ITPR2: variants seen among roughly 807,000 people sequenced by gnomAD.
ITPR2 encodes the protein inositol 1,4,5-trisphosphate-gated calcium channel ITPR2.
ITPR2 carries 207 observed loss-of-function variants against 317.1 expected under a neutral mutation model. That is an observed-to-expected ratio of 0.65 (90% CI 0.58 to 0.73). The LOEUF (loss-of-function observed/expected upper bound fraction) is 0.73. ITPR2 is among the 30% of genes least tolerant of loss of function. The pLI is 0.00. For missense variants in ITPR2, 2,613 were observed against 3,284.0 expected, an observed-to-expected ratio of 0.80 and a Z score of 4.99; for synonymous variants, 1,156 against 1,149.1, an observed-to-expected ratio of 1.01 and a Z score of -0.12.
At chr12:26,551,823 C>T (rs934773664) in intron 36 of ITPR2, among the ~76,000 whole-genome samples, 5 of 152,148 alleles carry the variant, frequency 3.3e-5, no homozygotes, top group Admixed American at 6.5e-5. Flanking sequence ...GACAACTGCC[C>T]GCTGACACTT....
intron 37 of ITPR2, among the ~76,000 whole-genome samples, chr12:26,522,962 A>T (rs1163336847): frequency 3.3e-5 from 5 of 152,236 alleles, no homozygotes; most frequent in Non-Finnish European, 7.3e-5. Flanking sequence ...ATTCTGCATA[A>T]CATTTCGATG....
intron 49 of ITPR2, among the ~76,000 whole-genome samples, chr12:26,425,543 C>T (rs1941031749): frequency 6.6e-6 from 1 of 151,886 alleles, no homozygotes; most frequent in South Asian, 2.1e-4. Context: ...TGGCACGCGC[C>T]CATAGCCCCA....
At chr12:26,589,016 A>G (rs982552627) in intron 32 of ITPR2, among the ~76,000 whole-genome samples, 5 of 152,204 alleles carry the variant, frequency 3.3e-5, no homozygotes, top group African/African-American at 1.2e-4. Context: ...CCTGACTATC[A>G]ACAACAATCA....
Position 26,540,384 on chromosome 12 carries a change from CATG to C in ITPR2, c.5073+9860_5073+9862del, listed in dbSNP as rs1208754690. Among the ~76,000 whole-genome samples the C allele has an allele frequency of 3.9e-5, 6 of 152,280 alleles. 1 individual carries two copies. The highest frequency in any genetic ancestry group is 2.1e-4 in the South Asian group (1 of 4,824). On this transcript the variant is annotated intron_variant, in intron 37 of 56. Transcript: ENST00000381340. ...TTTAGATTTAGGTGGAAATGATGAA[CATG>C]ATAACTTAATAATACATTGATTTTA...
rs369024488 is a variant in ITPR2, at chr12:26,622,361, G to A, written c.3167C>T (p.Thr1056Met). 27 of 1,610,834 alleles carry A rather than the reference G, an allele frequency of 1.7e-5. No individual in the cohort carries two copies. Among genetic ancestry groups the A allele is most frequent in the Admixed American group, 6.7e-5 (4 of 59,328 alleles). ...PVQLDDEGGRTFLRVLIHLIM... is the reference protein window; with the variant it reads ...PVQLDDEGGRMFLRVLIHLIM... Reference sequence around the variant, plus strand: ...CAGATGAATGAGGACCCGTAAAAACGTCCTGCCTCCTTCATCGTCAAGTTG... The same window carrying A: ...CAGATGAATGAGGACCCGTAAAAACATCCTGCCTCCTTCATCGTCAAGTTG... Residue 1056 changes from threonine (T) to methionine (M), a missense_variant, in exon 25 of 57, where the codon ACG (threonine) becomes ATG (methionine). By Grantham distance (81) the Thr-to-Met change is moderately conservative. This residue lies in a region of ITPR2 where 817 missense variants were observed against 897.6 expected (regional missense o/e 0.91). Coordinates refer to ENST00000381340, the MANE Select transcript of ITPR2 (RefSeq NM_002223.4).
intron 49 of ITPR2, among the ~76,000 whole-genome samples, chr12:26,420,876 T>G (rs775055935): frequency 2.6e-5 from 4 of 152,136 alleles, no homozygotes; most frequent in Admixed American, 2.0e-4. Context: ...TCATATTCAG[T>G]AATTATTTAA....
chr12:26,356,829 G>A (rs1591958898), intron 55 of ITPR2, among the ~76,000 whole-genome samples: 1 of 152,292 alleles, frequency 6.6e-6, no homozygotes, highest in South Asian at 2.1e-4. Context: ...TTACAGGTGT[G>A]AGCCACTGTG....
At chr12:26,711,403 T>A (rs1298079104) in intron 8 of ITPR2, 135 bp from the exon 9 acceptor site, 7 of 636,624 alleles carry the variant, frequency 1.1e-5, no homozygotes, top group Non-Finnish European at 1.9e-5. Context: ...GAGAGCATAA[T>A]GTGGCAGAAA....
At chr12:26,538,017 G>A (rs529511646) in intron 37 of ITPR2, among the ~76,000 whole-genome samples, 5 of 152,268 alleles carry the variant, frequency 3.3e-5, no homozygotes, top group East Asian at 3.9e-4. Context: ...GTTATTTAAC[G>A]TAAAAAAACA....
intron 2 of ITPR2, among the ~76,000 whole-genome samples, chr12:26,745,560 A>C (rs1275903027): frequency 6.6e-6 from 1 of 152,234 alleles, no homozygotes; most frequent in Admixed American, 6.5e-5. Flanking sequence ...CCTTAGAATC[A>C]CAGCCTCAAG....
rs200360934 is a variant in ITPR2 at position 26,599,308 on chromosome 12, T to C, written c.3839A>G (p.Asn1280Ser). 6.4e-5 allele frequency: 104 copies of C among 1,614,104 alleles called. No individual in the cohort carries two copies. In the African/African-American group the frequency reaches 1.3e-3, roughly 21 times the overall value. The change falls in exon 30 of 57, where the codon AAC becomes AGC. Residue 1280 changes from asparagine to serine, a missense_variant. By Grantham distance (46) the Asn-to-Ser change is conservative. This residue lies in a region of ITPR2 where 817 missense variants were observed against 897.6 expected (regional missense o/e 0.91). Transcript: ENST00000381340. ...AATTTCGTTGCACAGATGGTAATTGTTCATGAAGATGTGCCGCATGGTTTC... is the reference window on the plus strand; with the variant it reads ...AATTTCGTTGCACAGATGGTAATTGCTCATGAAGATGTGCCGCATGGTTTC... ...EAETMRHIFM[N>S]NYHLCNEISE...
chr12:26,585,924 T>G (rs1438466772), intron 32 of ITPR2, among the ~76,000 whole-genome samples: 1 of 152,228 alleles, frequency 6.6e-6, no homozygotes, highest in South Asian at 2.1e-4. Context: ...AATTGGATCT[T>G]ATTTTTTGTG....
intron 1 of ITPR2, among the ~76,000 whole-genome samples, chr12:26,798,326 G>C (rs528403408): frequency 6.6e-6 from 1 of 152,256 alleles, no homozygotes; most frequent in Admixed American, 6.5e-5. Context: ...CACGTTCCTC[G>C]TATTTCTGTG....
chr12:26,446,735 A>AAC (rs1286625860), intron 45 of ITPR2, among the ~76,000 whole-genome samples: 23 of 150,736 alleles, frequency 1.5e-4, no homozygotes, highest in Middle Eastern at 6.8e-3. Context: ...AGGGACTCAA[A>AAC]AAAAAAAAAA....
At chr12:26,806,275 C>A (rs938883069) in intron 1 of ITPR2, among the ~76,000 whole-genome samples, 1 of 151,636 alleles carries the variant, frequency 6.6e-6, no homozygotes. Context: ...CTGCCTGGCA[C>A]GGAGTAAACA....
chr12:26,510,004 G>GTGTGTGTGTGTGTGT (rs1555144482), intron 37 of ITPR2, among the ~76,000 whole-genome samples: 50 of 112,206 alleles, frequency 4.5e-4, no homozygotes, highest in South Asian at 1.7e-3. Context: ...GTGTGTGTGT[G>GTGTGTGTGTGTGTGT]GTGGGGGGTG....
At chr12:26,770,518 A>G (rs995171943) in intron 2 of ITPR2, among the ~76,000 whole-genome samples, 12 of 152,182 alleles carry the variant, frequency 7.9e-5, no homozygotes, top group African/African-American at 2.9e-4. Flanking sequence ...TAAAGGCAGT[A>G]TAGTTGGTAG....
intron 26 of ITPR2, among the ~76,000 whole-genome samples, chr12:26,603,593 T>C (rs1212961070): frequency 1.3e-5 from 2 of 152,074 alleles, no homozygotes; most frequent in African/African-American, 2.4e-5. Context: ...GAGAAATATA[T>C]CAATAAAGAT....
At chr12:26,611,646 T>C (rs1164433137) in intron 26 of ITPR2, among the ~76,000 whole-genome samples, 1 of 152,124 alleles carries the variant, frequency 6.6e-6, no homozygotes, top group African/African-American at 2.4e-5. Flanking sequence ...TACACACAAA[T>C]AGAGAAACAA....
Sources: allele counts gnomAD v4.1 joint callset (sites outside exome capture counted in the v4.1 genomes callset), GRCh38; gene constraint gnomAD v4.1.1; regional missense constraint gnomAD v4.1.1; transcripts MANE v1.5; gene names NCBI Gene and HGNC (gene_info 2026-07-23, HGNC 2026-07-21).